The following TRIP4 variants were observed in gnomAD, a reference collection of about 807,000 sequenced individuals.
The protein encoded by TRIP4 is thyroid hormone receptor interactor 4.
Under a neutral mutation model 81.8 loss-of-function variants are expected in TRIP4, and 54 were observed. That is an observed-to-expected ratio of 0.66 (90% CI 0.53 to 0.83). The LOEUF (loss-of-function observed/expected upper bound fraction) is 0.83. Ranked by LOEUF, TRIP4 falls within the 40% of genes least tolerant of loss-of-function variation. TRIP4 has a pLI of 0.00. For synonymous variants in TRIP4, 270 were observed against 242.8 expected (o/e 1.11, Z -1.04); for missense variants, 662 against 683.6 (o/e 0.97, Z 0.35).
intron 1 of TRIP4, among the ~76,000 whole-genome samples, chr15:64,391,594 G>C (rs1442572850): frequency 6.6e-6 from 1 of 152,110 alleles, no homozygotes; most frequent in Middle Eastern, 3.2e-3. Context: ...GATGAATGTT[G>C]TTCTTTATTA....
chr15:64,388,556 G>A (rs1365545343), intron 1 of TRIP4, among the ~76,000 whole-genome samples: 8 of 152,100 alleles, frequency 5.3e-5, no homozygotes, highest in African/African-American at 1.7e-4. Context: ...TGATCCGCCC[G>A]CCTCGACCTC....
chr15:64,426,519 G>T (rs1196344015), intron 11 of TRIP4, among the ~76,000 whole-genome samples: 1 of 152,026 alleles, frequency 6.6e-6, no homozygotes, highest in African/African-American at 2.4e-5. Context: ...GGCCAACATG[G>T]TGAAACCCCG....
At chr15:64,435,673 ATCT>A (rs1408227246) in intron 11 of TRIP4, among the ~76,000 whole-genome samples, 1 of 150,548 alleles carries the variant, frequency 6.6e-6, no homozygotes, top group African/African-American at 2.4e-5. Context: ...TCCCCTCTAG[ATCT>A]TTAAGTATAC....
chr15:64,394,368 G>A (rs531722391), intron 2 of TRIP4, among the ~76,000 whole-genome samples: 1 of 152,220 alleles, frequency 6.6e-6, no homozygotes, highest in African/African-American at 2.4e-5. Flanking sequence ...CACTTTGGGA[G>A]GCTGAGGTGG....
intron 5 of TRIP4, among the ~76,000 whole-genome samples, chr15:64,401,070 T>G (rs1049113561): frequency 1.3e-5 from 2 of 152,050 alleles, no homozygotes; most frequent in African/African-American, 4.8e-5. Flanking sequence ...CAAGTGATTC[T>G]CCTGCCTCAA....
At chr15:64,451,615 G>A (rs184935548) in intron 12 of TRIP4, among the ~76,000 whole-genome samples, 2 of 151,170 alleles carry the variant, frequency 1.3e-5, no homozygotes, top group African/African-American at 4.9e-5. Flanking sequence ...GGGACTATAG[G>A]CCTGCACCAC....
At chr15:64,420,151 T>C (rs1030146640) in intron 9 of TRIP4, among the ~76,000 whole-genome samples, 1 of 150,814 alleles carries the variant, frequency 6.6e-6, no homozygotes, top group Non-Finnish European at 1.5e-5. Flanking sequence ...GACGAAGTTT[T>C]GCTCTTGTTT....
intron 6 of TRIP4, among the ~76,000 whole-genome samples, chr15:64,409,190 CA>C (rs779332196): frequency 0.014 from 1,729 of 122,894 alleles, 22 homozygotes; most frequent in African/African-American, 0.04. Context: ...GACTCTGTCT[CA>C]AAAAAAAAAA....
chr15:64,387,974 G>C lies in TRIP4; in HGVS notation c.101+10G>C, dbSNP rs564498457. On this transcript the variant is annotated intron_variant, in intron 1 of 12. Coordinates refer to ENST00000261884, the MANE Select transcript of TRIP4 (RefSeq NM_016213.5). ...GCGAGGAGATCATTCAGTGAGAACA[G>C]TTCGGGTCCAAGCGGGGAAGGAGCT... 3 of 1,546,180 alleles carry C rather than the reference G, an allele frequency of 1.9e-6. No individual in the cohort carries two copies. In the East Asian group the frequency reaches 7.4e-5, roughly 38 times the overall value.
At chr15:64,390,452 C>A (rs2140544257) in intron 1 of TRIP4, among the ~76,000 whole-genome samples, 1 of 149,848 alleles carries the variant, frequency 6.7e-6, no homozygotes. Flanking sequence ...CAGAGTGAGA[C>A]CTCGTCTCAA....
chr15:64,414,057 G>A (rs1259861314), intron 7 of TRIP4, 28 bp from the exon 8 acceptor site: 1 of 1,611,558 alleles, frequency 6.2e-7, no homozygotes, highest in East Asian at 2.2e-5. Flanking sequence ...ATTACCAATT[G>A]TTGCATCCTT....
intron 12 of TRIP4, among the ~76,000 whole-genome samples, chr15:64,446,314 A>G (rs1184601664): frequency 6.6e-6 from 1 of 151,938 alleles, no homozygotes; most frequent in Non-Finnish European, 1.5e-5. Flanking sequence ...ATTATTGAAC[A>G]TCTATTTTAG....
intron 9 of TRIP4, among the ~76,000 whole-genome samples, chr15:64,419,301 C>T (rs1891954510): frequency 6.6e-6 from 1 of 152,090 alleles, no homozygotes; most frequent in Non-Finnish European, 1.5e-5. Flanking sequence ...ACACCTGTTA[C>T]TGATAATAAT....
intron 11 of TRIP4, among the ~76,000 whole-genome samples, chr15:64,437,725 C>T (rs981180790): frequency 2.6e-5 from 4 of 152,112 alleles, no homozygotes; most frequent in Non-Finnish European, 5.9e-5. Flanking sequence ...AACTACTGTC[C>T]TCAGGTGATT....
chr15:64,420,226 A>G (rs1412462437), intron 9 of TRIP4, among the ~76,000 whole-genome samples: 1 of 149,004 alleles, frequency 6.7e-6, no homozygotes, highest in African/African-American at 2.5e-5. Flanking sequence ...GGTTCAAGCC[A>G]TTCTCCTGCC....
chr15:64,410,908 G>A (rs1306579798), intron 7 of TRIP4, among the ~76,000 whole-genome samples: 3 of 152,158 alleles, frequency 2.0e-5, no homozygotes, highest in Non-Finnish European at 4.4e-5. Flanking sequence ...AAGTGGGGAA[G>A]TACAAATAGC....
intron 11 of TRIP4, among the ~76,000 whole-genome samples, chr15:64,444,298 TA>T (rs1388064616): frequency 6.6e-6 from 1 of 152,198 alleles, no homozygotes; most frequent in African/African-American, 2.4e-5. Context: ...CAATTGTTCT[TA>T]AATTGTGATT....
At position 64,455,172 on chromosome 15, in the gene TRIP4, G is replaced by A; in HGVS notation, c.*108G>A. 1.1e-6 allele frequency: 1 copy of A among 914,474 alleles called. No individual in the cohort carries two copies. Among genetic ancestry groups the A allele is most frequent in the Non-Finnish European group, 1.6e-6 (1 of 612,716 alleles). The allele number at this position is 914,474 out of a possible 1,614,324, so 56.6% of individuals were successfully genotyped here. A position where few individuals can be genotyped will look rare whatever the true frequency, so the allele number is the denominator to read the frequency against. On this transcript the variant is annotated 3_prime_UTR_variant, in exon 13 of 13. Transcript: ENST00000261884. ...TAGAAACCTAAAGGCTTGGCGTCAG[G>A]CTTGAATATCTCAGAACTTAAACTC...
At chr15:64,431,847 A>ATATATATATATATATATATATTTTTTTT in intron 11 of TRIP4, among the ~76,000 whole-genome samples, 2 of 119,554 alleles carry the variant, frequency 1.7e-5, no homozygotes, top group African/African-American at 6.5e-5. Context: ...ATATATATAT[A>ATATATATATATATATATATATTTTTTTT]TTTTTTTTAT....
Sources: gnomAD v4.1 joint callset for allele counts (sites outside exome capture counted in the v4.1 genomes callset) on GRCh38, gnomAD v4.1.1 for gene constraint, MANE v1.5 for transcripts, NCBI Gene and HGNC (gene_info 2026-07-23, HGNC 2026-07-21) for gene names.